ADGRD1: variants seen among roughly 807,000 people sequenced by gnomAD.
ADGRD1 encodes the protein adhesion G protein-coupled receptor D1, also known as G-protein coupled receptor 133.
ADGRD1 carries 77 observed loss-of-function variants against 113.4 expected under a neutral mutation model. That is an observed-to-expected ratio of 0.68 (90% CI 0.57 to 0.82). ADGRD1 has a LOEUF of 0.82. Among genes scored for constraint, ADGRD1 ranks in the 40% least tolerant of loss-of-function variants. The pLI is 0.00. For missense variants in ADGRD1, 1,036 were observed against 1,139.1 expected (o/e 0.91, Z 1.30); for synonymous variants, 474 against 475.0 (o/e 1.00, Z 0.03).
chr12:131,031,975 C>G (rs1253103890), intron 13 of ADGRD1, among the ~76,000 whole-genome samples: 1 of 152,192 alleles, frequency 6.6e-6, no homozygotes, highest in East Asian at 1.9e-4. Flanking sequence ...TTCAGATGAA[C>G]CAGCCTGACT....
intron 14 of ADGRD1, among the ~76,000 whole-genome samples, chr12:131,077,886 G>T (rs560700306): frequency 6.6e-6 from 1 of 152,316 alleles, no homozygotes; most frequent in East Asian, 1.9e-4. Context: ...TGGGACTACA[G>T]GTGTGAGTCA....
At chr12:131,080,115 A>G (rs1885950251) in intron 14 of ADGRD1, among the ~76,000 whole-genome samples, 1 of 151,974 alleles carries the variant, frequency 6.6e-6, no homozygotes, top group African/African-American at 2.4e-5. Flanking sequence ...TTAATGCTAT[A>G]TTTTTTCTGT....
chr12:131,099,721 G>A (rs1950024739), intron 15 of ADGRD1, among the ~76,000 whole-genome samples: 2 of 152,152 alleles, frequency 1.3e-5, no homozygotes, highest in South Asian at 4.1e-4. Context: ...TTTACCTATG[G>A]GCTCACCTTA....
At chr12:131,120,500 G>T (rs1484667842) in intron 19 of ADGRD1, among the ~76,000 whole-genome samples, 2 of 152,150 alleles carry the variant, frequency 1.3e-5, no homozygotes, top group Non-Finnish European at 2.9e-5. Flanking sequence ...ATCAGGATGG[G>T]AATCCCTCAC....
At chr12:131,102,841 G>T (rs886226085) in intron 15 of ADGRD1, among the ~76,000 whole-genome samples, 4 of 152,190 alleles carry the variant, frequency 2.6e-5, no homozygotes, top group Admixed American at 2.6e-4. Flanking sequence ...AGAAGGAGTA[G>T]TGGGGCTCTC....
At chr12:130,997,131 G>C (rs1339516264) in intron 8 of ADGRD1, among the ~76,000 whole-genome samples, 1 of 136,796 alleles carries the variant, frequency 7.3e-6, no homozygotes, top group South Asian at 2.5e-4. Context: ...CTGGCCGGGC[G>C]GGGGGCTGAT....
In ADGRD1 at chr12:131,138,328, G is replaced by C. The variant is rs965055437; in HGVS notation, c.2529+99G>C. 6.2e-6 allele frequency: 6 copies of C among 960,284 alleles called. No individual in the cohort carries two copies. In the Admixed American group the frequency reaches 9.9e-5, roughly 16 times the overall value. 59.5% of individuals were successfully genotyped at this position (960,284 alleles called of 1,614,324 possible). ...GTGTGCAGGCAGCAGAGGTGGCTTC[G>C]GGTGCCCAGCAGTCTTTGTCCCCCT... On this transcript the variant is annotated intron_variant, in intron 24 of 24. Transcript: ENST00000261654.
At chr12:131,035,275 G>T (rs1881253361) in intron 13 of ADGRD1, 1 of 152,486 alleles carries the variant, frequency 6.6e-6, no homozygotes, top group African/African-American at 2.4e-5. Context: ...TCACCGCGCT[G>T]TGTCCTGTCC....
chr12:131,082,384 T>G (rs1049273306), intron 14 of ADGRD1, among the ~76,000 whole-genome samples: 1 of 152,242 alleles, frequency 6.6e-6, no homozygotes, highest in African/African-American at 2.4e-5. Context: ...TTGTTTTCGC[T>G]GAGTCCCTGG....
At chr12:131,042,439 AAAT>A (rs1882231350) in intron 13 of ADGRD1, among the ~76,000 whole-genome samples, 1 of 152,252 alleles carries the variant, frequency 6.6e-6, no homozygotes. Flanking sequence ...GGTACACAGT[AAAT>A]ATTTGTTGAA....
At chr12:131,095,262 C>T (rs777832833) in intron 15 of ADGRD1, among the ~76,000 whole-genome samples, 1 of 152,248 alleles carries the variant, frequency 6.6e-6, no homozygotes, top group Non-Finnish European at 1.5e-5. Context: ...CCTGCCTGGG[C>T]ACCTTGCAGT....
At chr12:131,106,266 T>C (rs1418893332) in intron 17 of ADGRD1, among the ~76,000 whole-genome samples, 2 of 152,226 alleles carry the variant, frequency 1.3e-5, no homozygotes, top group South Asian at 2.1e-4. Context: ...AAGACTCTTA[T>C]TGGCTGCAGG....
intron 17 of ADGRD1, among the ~76,000 whole-genome samples, chr12:131,106,771 C>A (rs1217584995): frequency 6.6e-6 from 1 of 152,210 alleles, no homozygotes; most frequent in Non-Finnish European, 1.5e-5. Context: ...CCTCACAGGG[C>A]ACCCCACCTC....
At chr12:130,972,763 G>A (rs1055281546) in intron 4 of ADGRD1, among the ~76,000 whole-genome samples, 11 of 152,090 alleles carry the variant, frequency 7.2e-5, no homozygotes, top group Non-Finnish European at 1.3e-4. Context: ...TCTAGAGAAC[G>A]GCTTCTCTTT....
chr12:131,062,308 T>A (rs1239381155), intron 13 of ADGRD1, among the ~76,000 whole-genome samples: 1 of 152,220 alleles, frequency 6.6e-6, no homozygotes, highest in African/African-American at 2.4e-5. Context: ...ACAATTTGTT[T>A]GACCATTTGC....
In ADGRD1 at chr12:131,084,382, A is replaced by G. The variant is rs1886297932; in HGVS notation, c.1548-158A>G. Among the ~76,000 whole-genome samples, 1 of 149,974 alleles carries G rather than the reference A, an allele frequency of 6.7e-6. No homozygotes were observed. The highest frequency in any genetic ancestry group is 2.2e-4 in the South Asian group (1 of 4,640). On this transcript the variant is annotated intron_variant, in intron 14 of 24. Transcript: ENST00000261654. The surrounding 1 kb of genome is among the most constrained non-coding windows in gnomAD (Gnocchi z 4.5). ...CTGATGGCCAGAATCTCTCCTCCCA[A>G]CCCCCACACCACGGTCTGGGTGTGC...
At chr12:131,044,949 G>A (rs920186042) in intron 13 of ADGRD1, among the ~76,000 whole-genome samples, 5 of 152,254 alleles carry the variant, frequency 3.3e-5, no homozygotes, top group African/African-American at 7.2e-5. Context: ...CTCTGTTACC[G>A]ATGTTCAGGC....
intron 20 of ADGRD1, among the ~76,000 whole-genome samples, chr12:131,129,921 C>T (rs1195941): frequency 0.17 from 26,542 of 152,224 alleles, 2,815 homozygotes; most frequent in Non-Finnish European, 0.24. Flanking sequence ...CAGCCTGCCC[C>T]GAGGGCATGG....
At chr12:131,058,480 A>C (rs1884060653) in intron 13 of ADGRD1, among the ~76,000 whole-genome samples, 1 of 152,138 alleles carries the variant, frequency 6.6e-6, no homozygotes, top group Non-Finnish European at 1.5e-5. Flanking sequence ...CTTTCTTCAT[A>C]CCTGATGTTT....
Sources: gnomAD v4.1 joint callset for allele counts (sites outside exome capture counted in the v4.1 genomes callset) on GRCh38, gnomAD v4.1.1 for gene constraint, Gnocchi (gnomAD v3.1) non-coding constraint, MANE v1.5 for transcripts, NCBI Gene and HGNC (gene_info 2026-07-23, HGNC 2026-07-21) for gene names.